Variants in VAV3 observed in about 807,000 individuals in gnomAD.
VAV3 encodes vav guanine nucleotide exchange factor 3.
VAV3 carries 94 observed loss-of-function variants against 131.2 expected under a neutral mutation model. The observed-to-expected ratio is 0.72, with a 90% CI of 0.61 to 0.85. VAV3 has a LOEUF of 0.85. Among genes scored for constraint, VAV3 ranks in the 40% least tolerant of loss-of-function variants. The pLI, the probability that VAV3 is intolerant of heterozygous loss-of-function variation, is 0.00. For missense variants in VAV3, 939 were observed against 1,002.7 expected, an observed-to-expected ratio of 0.94 and a Z score of 0.86; for synonymous variants, 349 against 342.0, an observed-to-expected ratio of 1.02 and a Z score of -0.22.
Position 107,617,620 on chromosome 1 carries a change from C to A in VAV3, c.1927G>T (p.Ala643Ser). ...HSLFWQGRNL[A>S]SGEVGFFPSD... ...GGAAAAAATCCAACCTCTCCAGATG[C>A]TAAATTTCTGCCCTAAGGAAAAAAA... The change falls in exon 21 of 27, where the codon GCA becomes TCA. Residue 643 changes from alanine to serine, a missense_variant. Physicochemically the swap from Ala to Ser is moderately conservative, Grantham distance 99. Transcript: ENST00000370056. 1 of 1,603,198 alleles carries A rather than the reference C, an allele frequency of 6.2e-7. No individual in the cohort carries two copies. The highest frequency in any genetic ancestry group is 8.5e-7 in the Non-Finnish European group (1 of 1,175,666).
chr1:107,698,287 G>A (rs1461054841), intron 17 of VAV3, among the ~76,000 whole-genome samples: 1 of 152,092 alleles, frequency 6.6e-6, no homozygotes, highest in African/African-American at 2.4e-5. Context: ...TATTTTCCCG[G>A]GCGAGCAACA....
At chr1:107,958,379 T>C (rs987910072) in intron 1 of VAV3, among the ~76,000 whole-genome samples, 2 of 152,152 alleles carry the variant, frequency 1.3e-5, no homozygotes, top group Non-Finnish European at 2.9e-5. Flanking sequence ...TTAAAAACAA[T>C]GTATGGTTGT....
intron 15 of VAV3, among the ~76,000 whole-genome samples, chr1:107,716,528 G>A (rs1661102745): frequency 2.6e-5 from 4 of 152,144 alleles, no homozygotes; most frequent in African/African-American, 9.7e-5. Flanking sequence ...TTATGTGATG[G>A]ATTACGTTTA....
chr1:107,680,906 T>A (rs1658556734), intron 19 of VAV3, among the ~76,000 whole-genome samples: 1 of 152,078 alleles, frequency 6.6e-6, no homozygotes, highest in Non-Finnish European at 1.5e-5. Flanking sequence ...ACCACTAGAC[T>A]ATGCTGTGTT....
chr1:107,682,977 T>C (rs181624946), intron 19 of VAV3, among the ~76,000 whole-genome samples: 8 of 152,332 alleles, frequency 5.3e-5, no homozygotes, highest in African/African-American at 1.9e-4. Flanking sequence ...CTGAACGTTT[T>C]CTGCAGACAA....
rs543716298 is a variant in VAV3 at position 107,665,550 on chromosome 1, T to G, written c.1777+17938A>C. ...AAAGATAAAGACCAGGTGTTTGTCC[T>G]CAAAGGAGCTATCAGTCTAGCAAGG... On this transcript the variant is annotated intron_variant, in intron 19 of 26. Coordinates refer to ENST00000370056, the MANE Select transcript of VAV3 (RefSeq NM_006113.5). Among the ~76,000 whole-genome samples the G allele has an allele frequency of 2.2e-4, 33 of 152,294 alleles. No individual in the cohort carries two copies. The South Asian group carries it at 6.6e-3, about 31-fold the overall frequency.
Position 107,704,567 on chromosome 1 carries a change from C to T in VAV3, c.1688G>A (p.Gly563Asp), listed in dbSNP as rs1180556075. 1 of 1,613,512 alleles carries T rather than the reference C, an allele frequency of 6.2e-7. No homozygotes were observed. The highest frequency in any genetic ancestry group is 8.5e-7 in the Non-Finnish European group (1 of 1,179,550). ...KECLGRVDNC[G>D]RVNSGEQGTL... ...TGACTTACCACCAGAATTAACTCTG[C>T]CACAATTGTCTACTCTTCCCAAACA... Residue 563 changes from glycine (G) to aspartate (D), a missense_variant, in exon 17 of 27, where the codon GGC becomes GAC. Coordinates refer to ENST00000370056, the MANE Select transcript of VAV3 (RefSeq NM_006113.5).
chr1:107,695,288 GAAGAT>G (rs1410370319), intron 17 of VAV3, among the ~76,000 whole-genome samples: 1 of 152,114 alleles, frequency 6.6e-6, no homozygotes, highest in Non-Finnish European at 1.5e-5. Flanking sequence ...CCATCAGACG[GAAGAT>G]AATTTTATAA....
At chr1:107,916,589 T>A (rs1672629748) in intron 1 of VAV3, among the ~76,000 whole-genome samples, 1 of 152,054 alleles carries the variant, frequency 6.6e-6, no homozygotes, top group Non-Finnish European at 1.5e-5. Flanking sequence ...AGGGAAAAAA[T>A]TTTACAGGAG....
intron 2 of VAV3, among the ~76,000 whole-genome samples, chr1:107,811,011 T>C (rs1318325430): frequency 2.0e-5 from 3 of 152,162 alleles, no homozygotes; most frequent in African/African-American, 7.2e-5. Flanking sequence ...CTTTACATTT[T>C]GGGGACATGT....
At chr1:107,865,646 T>C (rs764499779) in intron 2 of VAV3, among the ~76,000 whole-genome samples, 3 of 152,270 alleles carry the variant, frequency 2.0e-5, no homozygotes, top group East Asian at 3.9e-4. Flanking sequence ...TAAAAGAGTT[T>C]AGATGTTATT....
At chr1:107,885,858 A>T (rs1251294774) in intron 1 of VAV3, among the ~76,000 whole-genome samples, 2 of 152,168 alleles carry the variant, frequency 1.3e-5, no homozygotes, top group Non-Finnish European at 2.9e-5. Context: ...GACTGTCCCA[A>T]ACTAGGGAGC....
In VAV3 at chr1:107,574,957, G is replaced by A. The variant is rs1236054479; in HGVS notation, c.2351-759C>T. Among the ~76,000 whole-genome samples the A allele has an allele frequency of 6.8e-5, 9 of 132,054 alleles. No homozygotes were observed. In the South Asian group the frequency reaches 1.4e-3, roughly 21 times the overall value. The allele number at this position is 132,054 out of a possible 152,430, so 86.6% of individuals were successfully genotyped here. On this transcript the variant is annotated intron_variant, in intron 25 of 26. Coordinates refer to ENST00000370056, the MANE Select transcript of VAV3 (RefSeq NM_006113.5). Reference sequence around the variant, plus strand: ...TTAAATATCCTGTGTTCAGAGTTGAGTTTCTCTGTGTGTGTGTGTGTGTGT... The same window carrying A: ...TTAAATATCCTGTGTTCAGAGTTGAATTTCTCTGTGTGTGTGTGTGTGTGT...
chr1:107,684,908 C>T (rs1658910647), intron 18 of VAV3, among the ~76,000 whole-genome samples: 1 of 152,190 alleles, frequency 6.6e-6, no homozygotes, highest in Admixed American at 6.5e-5. Flanking sequence ...ATATAAACAA[C>T]ATCGAACAAC....
chr1:107,755,983 T>G (rs1174175440), intron 11 of VAV3, among the ~76,000 whole-genome samples: 1 of 152,202 alleles, frequency 6.6e-6, no homozygotes, highest in East Asian at 1.9e-4. Context: ...TCGGCTAGTC[T>G]TCTTGGTTCC....
At chr1:107,588,287 G>T (rs1650660585) in intron 25 of VAV3, among the ~76,000 whole-genome samples, 1 of 152,228 alleles carries the variant, frequency 6.6e-6, no homozygotes, top group South Asian at 2.1e-4. Context: ...ATATAAAAAT[G>T]TCAGCAATAT....
In VAV3 at chr1:107,888,093, A is replaced by G. The variant is rs139519568; in HGVS notation, c.205-13076T>C. Among the ~76,000 whole-genome samples, 16 of 152,304 alleles carry G rather than the reference A, an allele frequency of 1.1e-4. No individual in the cohort carries two copies. The East Asian group carries it at 2.5e-3, about 24-fold the overall frequency. The stretch of plus-strand genomic sequence containing the variant: ...CTACATAAAGTAAAAAGAAAGGATT[A>G]ATGGTTACTTTATAATCTTGTATTA... On this transcript the variant is annotated intron_variant, in intron 1 of 26. Transcript: ENST00000370056.
At chr1:107,743,389 A>AG (rs1343935031) in intron 15 of VAV3, among the ~76,000 whole-genome samples, 3 of 152,080 alleles carry the variant, frequency 2.0e-5, no homozygotes, top group Non-Finnish European at 2.9e-5. Flanking sequence ...AAGTGGAGAG[A>AG]GGGGGCTGTA....
chr1:107,885,474 T>C (rs1670990149), intron 1 of VAV3, among the ~76,000 whole-genome samples: 1 of 152,140 alleles, frequency 6.6e-6, no homozygotes, highest in African/African-American at 2.4e-5. Context: ...CATTACATTT[T>C]AATTCCCCAG....
Sources: gnomAD v4.1 joint callset for allele counts (sites outside exome capture counted in the v4.1 genomes callset) on GRCh38, gnomAD v4.1.1 for gene constraint, MANE v1.5 for transcripts, NCBI Gene and HGNC (gene_info 2026-07-23, HGNC 2026-07-21) for gene names.